ABCB7: variants seen among roughly 807,000 people sequenced by gnomAD.
ABCB7 encodes the protein ATP binding cassette subfamily B member 7.
Under a neutral mutation model 54.4 loss-of-function variants are expected in ABCB7, and 7 were observed. The ratio of observed to expected loss-of-function variants is 0.13; its 90% confidence interval spans 0.07 to 0.24. ABCB7 has a LOEUF of 0.24. Among genes scored for constraint, ABCB7 ranks in the 10% least tolerant of loss-of-function variants. The pLI is 1.00. For missense variants in ABCB7, 356 were observed against 570.4 expected (o/e 0.62, Z 3.83); for synonymous variants, 218 against 207.1 (o/e 1.05, Z -0.45).
chrX:75,083,158 A>G (rs979383547), intron 4 of ABCB7, among the ~76,000 whole-genome samples: 7 of 111,908 alleles, frequency 6.3e-5, no homozygotes, highest in Non-Finnish European at 1.1e-4. Flanking sequence ...AACCTCCAGC[A>G]CTACTGACAG....
chrX:75,071,239 A>G (rs1450618870), intron 9 of ABCB7, among the ~76,000 whole-genome samples: 1 of 110,991 alleles, frequency 9.0e-6, no homozygotes, highest in Admixed American at 9.6e-5. Flanking sequence ...TAGAAAAGCT[A>G]GATACTAAAA....
intron 1 of ABCB7, among the ~76,000 whole-genome samples, chrX:75,116,799 A>T (rs917043201): frequency 2.7e-5 from 3 of 110,792 alleles, no homozygotes; most frequent in Non-Finnish European, 5.7e-5. Context: ...TCGGCACAAA[A>T]TACAGGTCAT....
intron 1 of ABCB7, among the ~76,000 whole-genome samples, chrX:75,124,681 T>C (rs2081909742): frequency 8.9e-6 from 1 of 111,861 alleles, no homozygotes; most frequent in Non-Finnish European, 1.9e-5. Flanking sequence ...AGAGTGAATA[T>C]ACCAAAGACA....
intron 3 of ABCB7, among the ~76,000 whole-genome samples, chrX:75,107,682 C>CTTAAGGGGACATTGGGGGTAGT (rs2081716400): frequency 1.8e-5 from 2 of 111,290 alleles, no homozygotes; most frequent in East Asian, 2.9e-4. Context: ...GCCCTTGGGC[C>CTTAAGGGGACATTGGGGGTAGT]CTGAATAACC....
At chrX:75,154,384 A>C (rs1204657476) in intron 1 of ABCB7, among the ~76,000 whole-genome samples, 1 of 112,355 alleles carries the variant, frequency 8.9e-6, no homozygotes, top group Non-Finnish European at 1.9e-5. Context: ...AATTTTATCT[A>C]AGATAACATT....
At chrX:75,113,402 T>A (rs769379064) in intron 2 of ABCB7, among the ~76,000 whole-genome samples, 1 of 112,369 alleles carries the variant, frequency 8.9e-6, no homozygotes, top group South Asian at 3.7e-4. Context: ...CACAGTTAAT[T>A]TTAAACAACT....
chrX:75,059,644 T>C (rs1459554475), intron 15 of ABCB7, among the ~76,000 whole-genome samples: 1 of 111,066 alleles, frequency 9.0e-6, no homozygotes, highest in Admixed American at 9.6e-5. Flanking sequence ...AGAAAAATTA[T>C]TGCAATTTTC....
chrX:75,106,293 G>A (rs1219113035), intron 3 of ABCB7, among the ~76,000 whole-genome samples: 1 of 111,475 alleles, frequency 9.0e-6, no homozygotes, highest in Non-Finnish European at 1.9e-5. Flanking sequence ...CAAGAAGCGA[G>A]CTAAAGACAT....
At chrX:75,084,286 A>G (rs1346845711) in intron 4 of ABCB7, among the ~76,000 whole-genome samples, 1 of 111,737 alleles carries the variant, frequency 8.9e-6, no homozygotes, top group Non-Finnish European at 1.9e-5. Context: ...TTCAGCTACT[A>G]TTTTTGTGAT....
rs185377724 is a variant in ABCB7 at position 75,115,073 on chromosome X, T to G, written c.169-242A>C. 7.3e-4 allele frequency among the ~76,000 whole-genome samples: 79 copies of G among 108,816 alleles called. No individual in the cohort carries two copies. In the East Asian group the frequency reaches 7.8e-3, roughly 11 times the overall value. The allele number at this position is 108,816 out of a possible 115,157, so 94.5% of individuals were successfully genotyped here. On this transcript the variant is annotated intron_variant, in intron 1 of 15. Transcript: ENST00000373394. ...TCACGAGGTCTGGAGATCGAGACCA[T>G]CCTGGCCAACATGGTGAAACCCCGT...
chrX:75,054,973 C>T (rs1050623972), intron 15 of ABCB7, among the ~76,000 whole-genome samples: 1 of 111,603 alleles, frequency 9.0e-6, no homozygotes, highest in African/African-American at 3.3e-5. Context: ...TTTCTGGCCT[C>T]TCTAGAACTA....
chrX:75,068,462 A>G (rs781309958), intron 12 of ABCB7, among the ~76,000 whole-genome samples: 2 of 111,926 alleles, frequency 1.8e-5, no homozygotes, highest in Non-Finnish European at 3.8e-5. Context: ...AATGTTTAAC[A>G]TGGGTTCGGC....
intron 1 of ABCB7, among the ~76,000 whole-genome samples, chrX:75,120,434 C>A (rs1344432242): frequency 9.1e-6 from 1 of 109,654 alleles, no homozygotes; most frequent in Non-Finnish European, 1.9e-5. Context: ...AATGGTAAAA[C>A]CCTGTCTCTA....
At chrX:75,145,148 C>A (rs974978698) in intron 1 of ABCB7, among the ~76,000 whole-genome samples, 1 of 110,972 alleles carries the variant, frequency 9.0e-6, no homozygotes, top group Admixed American at 9.6e-5. Context: ...CAGCTGAATT[C>A]TACCAAATGT....
intron 4 of ABCB7, among the ~76,000 whole-genome samples, chrX:75,087,343 C>A (rs1281364650): frequency 8.9e-6 from 1 of 111,890 alleles, no homozygotes; most frequent in Non-Finnish European, 1.9e-5. Context: ...CCTCACAGAA[C>A]TGAAGTTTCT....
rs2081337638 is a variant in ABCB7 at position 75,068,247 on chromosome X, A to G, written c.1659+760T>C. Among the ~76,000 whole-genome samples, 4 of 111,183 alleles carry G rather than the reference A, an allele frequency of 3.6e-5. No individual in the cohort carries two copies. The South Asian group carries it at 1.5e-3, about 43-fold the overall frequency. ...CTCTCTTACAGTTCTTCCTCTCCCC[A>G]TATTTTGATCCATTCTCCCAGGGAT... On this transcript the variant is annotated intron_variant, in intron 12 of 15. Coordinates refer to ENST00000373394, the MANE Select transcript of ABCB7 (RefSeq NM_001271696.3).
intron 1 of ABCB7, among the ~76,000 whole-genome samples, chrX:75,142,081 T>C (rs2082058151): frequency 9.0e-6 from 1 of 111,364 alleles, no homozygotes; most frequent in Non-Finnish European, 1.9e-5. Flanking sequence ...AAAATTCCAA[T>C]TAACAAATGT....
chrX:75,104,494 A>G (rs748805404), intron 3 of ABCB7, among the ~76,000 whole-genome samples: 3 of 110,530 alleles, frequency 2.7e-5, no homozygotes, highest in Non-Finnish European at 5.7e-5. Context: ...TTGAATGAGG[A>G]AAAAAACAGA....
intron 15 of ABCB7, among the ~76,000 whole-genome samples, chrX:75,055,571 A>C (rs1230131608): frequency 3.8e-4 from 40 of 106,070 alleles, no homozygotes; most frequent in African/African-American, 1.3e-3. Context: ...AAAAAAAAAA[A>C]AAAAAAAACA....
Sources: gnomAD v4.1 joint callset for allele counts (sites outside exome capture counted in the v4.1 genomes callset) on GRCh38, gnomAD v4.1.1 for gene constraint, MANE v1.5 for transcripts, NCBI Gene and HGNC (gene_info 2026-07-23, HGNC 2026-07-21) for gene names.